ATP13A1: variants seen among roughly 807,000 people sequenced by gnomAD.
ATP13A1 encodes the protein endoplasmic reticulum transmembrane helix translocase.
ATP13A1 carries 55 observed loss-of-function variants against 134.8 expected under a neutral mutation model. The ratio of observed to expected loss-of-function variants is 0.41; its 90% CI spans 0.33 to 0.51. The LOEUF is 0.51. ATP13A1 is among the 20% of genes least tolerant of loss of function. ATP13A1 has a pLI of 0.29. For missense variants in ATP13A1, 1,389 were observed against 1,652.8 expected, an observed-to-expected ratio of 0.84 and a Z score of 2.77; for synonymous variants, 775 against 725.1, an observed-to-expected ratio of 1.07 and a Z score of -1.10.
intron 1 of ATP13A1, 97 bp from the exon 2 acceptor site, chr19:19,660,084 T>G: frequency 1.0e-6 from 1 of 981,332 alleles, no homozygotes; most frequent in Non-Finnish European, 1.5e-6. Context: ...TCTATGGGTA[T>G]ATTCTGAAAT....
Position 19,647,872 on chromosome 19 carries a change from T to A in ATP13A1, c.2633-113A>T. The A allele has an allele frequency of 7.6e-7, 1 of 1,320,108 alleles. No individual in the cohort carries two copies. The highest frequency in any genetic ancestry group is 1.0e-6 in the Non-Finnish European group (1 of 987,424). The allele number at this position is 1,320,108 out of a possible 1,614,324, so 81.8% of individuals were successfully genotyped here. A position where few individuals can be genotyped will look rare whatever the true frequency, so the allele number is the denominator to read the frequency against. On this transcript the variant is annotated intron_variant, in intron 19 of 25. Coordinates refer to ENST00000357324, the MANE Select transcript of ATP13A1 (RefSeq NM_020410.3). This position sits in a 1 kb window ranked among gnomAD's most constrained non-coding sequence, Gnocchi z 4.8. ...CCCAGCTGGCTCCCGTGAGGACAGT[T>A]CCCAGACTTCCCCATTTCACCTGAC...
chr19:19,650,119 C>T, intron 17 of ATP13A1, 179 bp from the exon 18 acceptor site: 1 of 623,080 alleles, frequency 1.6e-6, no homozygotes, highest in Non-Finnish European at 2.8e-6. Flanking sequence ...CCCTCAGGTG[C>T]ACAGGGTGGA....
At position 19,653,921 on chromosome 19, in the gene ATP13A1, G is replaced by A. The variant is rs1186476385; in HGVS notation, c.1990-27C>T. 13 of 1,568,176 alleles carry A rather than the reference G, an allele frequency of 8.3e-6. No individual in the cohort carries two copies. The highest frequency in any genetic ancestry group is 1.0e-5 in the Non-Finnish European group (12 of 1,157,276). ...TGCAGGGAATGCAGGGGGATGTCAC[G>A]GGCTGCCCCGCGCCCCCACCCCTTG... On this transcript the variant is annotated intron_variant, in intron 14 of 25. Transcript: ENST00000357324. The surrounding 1 kb of genome is among the most constrained non-coding windows in gnomAD (Gnocchi z 4.2).
rs368551699 is a variant in ATP13A1, at chr19:19,647,615, T to C, written c.2777A>G (p.Gln926Arg). The C allele has an allele frequency of 6.2e-7, 1 of 1,613,380 alleles. No individual in the cohort carries two copies. The highest frequency in any genetic ancestry group is 8.5e-7 in the Non-Finnish European group (1 of 1,179,824). ...QRSGLPPSEE[Q>R]PTSQRDRLSQ... ...GGGACTCACCCTCTGGGAGGTTGGC[T>C]GCTCCTCGGAGGGAGGGAGCCCCGA... The change falls in exon 20 of 26, where the codon CAG becomes CGG. Residue 926 changes from glutamine (Q) to arginine (R), a missense_variant. Gln to Arg is a conservative substitution (Grantham distance 43). Coordinates refer to ENST00000357324, the MANE Select transcript of ATP13A1 (RefSeq NM_020410.3). The surrounding 1 kb of genome is among the most constrained non-coding windows in gnomAD (Gnocchi z 4.8).
rs201103157 is a variant in ATP13A1, at chr19:19,663,322, G to A, written c.345C>T (p.Val115=). 7.6e-4 allele frequency: 1,212 copies of A among 1,591,950 alleles called. 1 individual carries two copies. The highest frequency in any genetic ancestry group is 9.2e-4 in the Non-Finnish European group (1,078 of 1,170,426). Residue 115 remains valine, a synonymous_variant, in exon 1 of 26, where the codon GTC becomes GTT. Transcript: ENST00000357324. ...ATICLAHALT[V]LSGHWSVHAH... ...CGTGCACAGACCAATGCCCCGAGAGGACAGTGAGCGCGTGCGCGAGGCAGA... is the reference window on the plus strand; with the variant it reads ...CGTGCACAGACCAATGCCCCGAGAGAACAGTGAGCGCGTGCGCGAGGCAGA...
At chr19:19,663,219 C>G (rs766996360) in intron 1 of ATP13A1, 52 bp downstream of exon 1, 2 of 1,553,620 alleles carry the variant, frequency 1.3e-6, no homozygotes, top group Non-Finnish European at 1.7e-6. Context: ...CAGCTGGGAC[C>G]CACGGCGAGG....
In ATP13A1 at chr19:19,647,274, A is replaced by G; in HGVS notation, c.2960T>C (p.Met987Thr). The G allele has an allele frequency of 6.2e-7, 1 of 1,613,392 alleles. No homozygotes were observed. The highest frequency in any genetic ancestry group is 8.5e-7 in the Non-Finnish European group (1 of 1,179,832). Reference sequence around the variant, plus strand: ...GGCATTGAGCGCCAGGATCTTGAACATCTGTAGCGTGGTCACCAGCGTGCA... The same window carrying G: ...GGCATTGAGCGCCAGGATCTTGAACGTCTGTAGCGTGGTCACCAGCGTGCA... ...GRCTLVTTLQ[M>T]FKILALNALI... Residue 987 changes from methionine (M) to threonine (T), a missense_variant, in exon 22 of 26, where the codon ATG (methionine) becomes ACG (threonine). Met to Thr is a moderately conservative substitution (Grantham distance 81, BLOSUM62 -1). Transcript: ENST00000357324. The surrounding 1 kb of genome is among the most constrained non-coding windows in gnomAD (Gnocchi z 4.8).
chr19:19,647,658 T>C lies in ATP13A1; in HGVS notation c.2734A>G (p.Arg912Gly). 6.2e-7 allele frequency: 1 copy of C among 1,613,032 alleles called. No individual in the cohort carries two copies. The highest frequency in any genetic ancestry group is 8.5e-7 in the Non-Finnish European group (1 of 1,179,832). ...AGCCCCGACCGCTGCTTGGCTGTCC[T>C]GGAGGTGGCTCTGATGCCACTGTTG... ...LSNSGIRATS[R>G]TAKQRSGLPP... Residue 912 changes from arginine (R) to glycine (G), a missense_variant, in exon 20 of 26, where the codon AGG becomes GGG. By Grantham distance (125) the Arg-to-Gly change is moderately radical (BLOSUM62 -2). Coordinates refer to ENST00000357324, the MANE Select transcript of ATP13A1 (RefSeq NM_020410.3). The surrounding 1 kb of genome is among the most constrained non-coding windows in gnomAD (Gnocchi z 4.8).
rs902515293 is a variant in ATP13A1, at chr19:19,653,213, G to T, written c.2101-493C>A. The T allele has an allele frequency of 5.5e-6, 1 of 183,396 alleles. No homozygotes were observed. Among genetic ancestry groups the T allele is most frequent in the South Asian group, 1.1e-4 (1 of 9,312 alleles). 11.4% of individuals were successfully genotyped at this position (183,396 alleles called of 1,614,324 possible). Reference sequence around the variant, plus strand: ...GGAGGTGAGAATGGAATCCAGAGAGGGTGGAAAGGCCTCAGAAGTGGCCAC... The same window carrying T: ...GGAGGTGAGAATGGAATCCAGAGAGTGTGGAAAGGCCTCAGAAGTGGCCAC... On this transcript the variant is annotated intron_variant, in intron 15 of 25. Coordinates refer to ENST00000357324, the MANE Select transcript of ATP13A1 (RefSeq NM_020410.3). The surrounding 1 kb of genome is among the most constrained non-coding windows in gnomAD (Gnocchi z 4.2).
Position 19,655,828 on chromosome 19 carries a change from T to C in ATP13A1, c.1269+50A>G. ...CTGGGGTCGGAAAGGGCTGATACCT[T>C]GGCTGTCCAACTGCCCTGGGGCCCG... On this transcript the variant is annotated intron_variant, in intron 9 of 25. Coordinates refer to ENST00000357324, the MANE Select transcript of ATP13A1 (RefSeq NM_020410.3). The surrounding 1 kb of genome is among the most constrained non-coding windows in gnomAD (Gnocchi z 5.7). 1.3e-6 allele frequency: 2 copies of C among 1,547,794 alleles called. No homozygotes were observed. Among genetic ancestry groups the C allele is most frequent in the Non-Finnish European group, 1.7e-6 (2 of 1,151,236 alleles).
chr19:19,662,989 T>C (rs2062103815), intron 1 of ATP13A1: 3 of 601,814 alleles, frequency 5.0e-6, no homozygotes, highest in South Asian at 1.8e-5. Context: ...CGACGTATGC[T>C]GGGCCCTGCG....
rs780665214 is a variant in ATP13A1 at position 19,656,770 on chromosome 19, C to T, written c.977-4G>A. On this transcript the variant is annotated splice_region_variant and splice_polypyrimidine_tract_variant and intron_variant, in intron 6 of 25. Coordinates refer to ENST00000357324, the MANE Select transcript of ATP13A1 (RefSeq NM_020410.3). This position sits in a 1 kb window ranked among gnomAD's most constrained non-coding sequence, Gnocchi z 4.6. ...AGGTTCTCCTGTGGGGAGCGGCCTG[C>T]AGGGCAGAGGCAGGAGGGTTGGCCA... The T allele has an allele frequency of 1.9e-6, 3 of 1,613,348 alleles. No individual in the cohort carries two copies. In the Admixed American group the frequency reaches 5.0e-5, roughly 27 times the overall value.
At chr19:19,663,200 G>C in intron 1 of ATP13A1, 71 bp downstream of exon 1, 4 of 1,548,486 alleles carry the variant, frequency 2.6e-6, no homozygotes, top group Non-Finnish European at 3.5e-6. Context: ...GTGACCGACA[G>C]GAAGGCCGCA....
rs749687079 is a variant in ATP13A1, at chr19:19,655,287, C to T, written c.1534+29G>A. 19 of 1,613,830 alleles carry T rather than the reference C, an allele frequency of 1.2e-5. No individual in the cohort carries two copies. The East Asian group carries it at 2.0e-4, about 17-fold the overall frequency. On this transcript the variant is annotated intron_variant, in intron 11 of 25. Transcript: ENST00000357324. This position sits in a 1 kb window ranked among gnomAD's most constrained non-coding sequence, Gnocchi z 5.7. ...GGGTCCTGCTTGGCCCCAGCCCACT[C>T]GGCACCCCATCCCATTTGACACACT...
chr19:19,657,972 G>C (rs2062070088), intron 3 of ATP13A1, among the ~76,000 whole-genome samples: 1 of 151,760 alleles, frequency 6.6e-6, no homozygotes. Context: ...AACACAGCAA[G>C]ACCTTCTATT....
chr19:19,660,463 A>C (rs1313762744), intron 1 of ATP13A1: 1 of 156,474 alleles, frequency 6.4e-6, no homozygotes, highest in Non-Finnish European at 1.4e-5. Context: ...CCTGGGTGGC[A>C]GAGTGAGATC....
In ATP13A1 at chr19:19,645,203, A is replaced by T; in HGVS notation, c.*219T>A. ...AGACGAGGTGGAGGCAGGGCTTTTT[A>T]AAATCTCAGATGCTGCTTTATTTAC... On this transcript the variant is annotated 3_prime_UTR_variant, in exon 26 of 26. Coordinates refer to ENST00000357324, the MANE Select transcript of ATP13A1 (RefSeq NM_020410.3). The surrounding 1 kb of genome is among the most constrained non-coding windows in gnomAD (Gnocchi z 4.1). 1 of 583,638 alleles carries T rather than the reference A, an allele frequency of 1.7e-6. No individual in the cohort carries two copies. The highest frequency in any genetic ancestry group is 3.1e-6 in the Non-Finnish European group (1 of 327,298). The allele number at this position is 583,638 out of a possible 1,614,324, so 36.2% of individuals were successfully genotyped here.
intron 3 of ATP13A1, among the ~76,000 whole-genome samples, chr19:19,658,452 C>G (rs1031191215): frequency 6.6e-6 from 1 of 152,182 alleles, no homozygotes; most frequent in Non-Finnish European, 1.5e-5. Context: ...ATTAATGTGA[C>G]TGGCCAACCT....
In ATP13A1 at chr19:19,656,963, C is replaced by A. The variant is rs747941384; in HGVS notation, c.906+31G>T. The A allele has an allele frequency of 4.4e-6, 7 of 1,604,354 alleles. No individual in the cohort carries two copies. The East Asian group carries it at 1.1e-4, about 26-fold the overall frequency. ...GCACAGAAGCCGCACCTGTGCTGCA[C>A]CCCCAACCTGGGTCTCCCTGGCAGC... On this transcript the variant is annotated intron_variant, in intron 5 of 25. Coordinates refer to ENST00000357324, the MANE Select transcript of ATP13A1 (RefSeq NM_020410.3). The surrounding 1 kb of genome is among the most constrained non-coding windows in gnomAD (Gnocchi z 4.6).
Sources: allele counts gnomAD v4.1 joint callset (sites outside exome capture counted in the v4.1 genomes callset), GRCh38; gene constraint gnomAD v4.1.1; non-coding constraint Gnocchi (gnomAD v3.1); transcripts MANE v1.5; gene names NCBI Gene and HGNC (gene_info 2026-07-23, HGNC 2026-07-21).